AKAP8L: variants seen among roughly 807,000 people sequenced by gnomAD.
AKAP8L encodes the protein A-kinase anchor protein 8-like.
Under a neutral mutation model 77.5 loss-of-function variants are expected in AKAP8L, and 34 were observed. The observed-to-expected ratio is 0.44, with a 90% CI of 0.33 to 0.58. The LOEUF (loss-of-function observed/expected upper bound fraction) is 0.58, where lower values mean the gene tolerates loss of function less well. Among genes scored for constraint, AKAP8L ranks in the 20% least tolerant of loss-of-function variants. The pLI, the probability that AKAP8L is intolerant of heterozygous loss-of-function variation, is 0.02. For missense variants in AKAP8L, 806 were observed against 887.6 expected, an observed-to-expected ratio of 0.91 and a Z score of 1.17; for synonymous variants, 342 against 340.7, an observed-to-expected ratio of 1.00 and a Z score of -0.04.
At chr19:15,380,843 T>C in intron 12 of AKAP8L, 1 of 570,808 alleles carries the variant, frequency 1.8e-6, no homozygotes, top group Non-Finnish European at 3.1e-6. Context: ...TACAGATCTA[T>C]ATATCTCTAA....
chr19:15,380,447 G>T lies in AKAP8L; in HGVS notation c.1633-17C>A. On this transcript the variant is annotated splice_polypyrimidine_tract_variant and intron_variant, in intron 13 of 13. Coordinates refer to ENST00000397410, the MANE Select transcript of AKAP8L (RefSeq NM_014371.4). ...GTTCTCGCCCTGTGGGGAGGGGCGC[G>T]GACACTGAAGGGAGGGAGCACAGGC... is the stretch of plus-strand genomic sequence containing the variant. 1 of 1,609,936 alleles carries T rather than the reference G, an allele frequency of 6.2e-7. No individual in the cohort carries two copies. The highest frequency in any genetic ancestry group is 1.1e-5 in the South Asian group (1 of 90,478).
In AKAP8L at chr19:15,397,054, C is replaced by T; in HGVS notation, c.1536+96G>A. 6.5e-7 allele frequency: 1 copy of T among 1,542,050 alleles called. No individual in the cohort carries two copies. The highest frequency in any genetic ancestry group is 8.8e-7 in the Non-Finnish European group (1 of 1,130,036). On this transcript the variant is annotated intron_variant, in intron 12 of 13. Coordinates refer to ENST00000397410, the MANE Select transcript of AKAP8L (RefSeq NM_014371.4). The surrounding 1 kb of genome is among the most constrained non-coding windows in gnomAD (Gnocchi z 4.7). Reference sequence around the variant, plus strand: ...CACCTCCTCCTGCCTCCACTGCAGTCCCTCACGGGCTGGCAGAGGTTCCAA... The same window carrying T: ...CACCTCCTCCTGCCTCCACTGCAGTTCCTCACGGGCTGGCAGAGGTTCCAA...
At chr19:15,416,767 C>T (rs1197052317) in intron 1 of AKAP8L, among the ~76,000 whole-genome samples, 1 of 152,248 alleles carries the variant, frequency 6.6e-6, no homozygotes, top group Non-Finnish European at 1.5e-5. Flanking sequence ...CTCTTCCCCT[C>T]TCAGTGCTAG....
At position 15,418,945 on chromosome 19, in the gene AKAP8L, C is replaced by A. The variant is rs202077292; in HGVS notation, c.-22G>T. 5 of 1,603,664 alleles carry A rather than the reference C, an allele frequency of 3.1e-6. No homozygotes were observed. The East Asian group carries it at 8.9e-5, about 29-fold the overall frequency. On this transcript the variant is annotated 5_prime_UTR_variant, in exon 1 of 14. It introduces an in-frame stop codon into an upstream open reading frame of the 5' UTR. Transcript: ENST00000397410. ...TCATGGTGGCGGGCAACACAACATC[C>A]GACGACGCCGGCTTCTGCTGCTCTG...
In AKAP8L at chr19:15,399,117, G is replaced by A; in HGVS notation, c.1157+185C>T. The A allele has an allele frequency of 1.6e-6, 1 of 614,620 alleles. No individual in the cohort carries two copies. Among genetic ancestry groups the A allele is most frequent in the Middle Eastern group, 4.4e-4 (1 of 2,290 alleles). 38.1% of individuals were successfully genotyped at this position (614,620 alleles called of 1,614,324 possible). A position where few individuals can be genotyped will look rare whatever the true frequency, so the allele number is the denominator to read the frequency against. On this transcript the variant is annotated intron_variant, in intron 9 of 13. Coordinates refer to ENST00000397410, the MANE Select transcript of AKAP8L (RefSeq NM_014371.4). This position sits in a 1 kb window ranked among gnomAD's most constrained non-coding sequence, Gnocchi z 6.1. The stretch of plus-strand genomic sequence containing the variant: ...CCAGCGGTCGCCAGGCGGCCGCAGA[G>A]GGGCAGGGGATGAGTCAGGCCTTGG...
intron 2 of AKAP8L, among the ~76,000 whole-genome samples, chr19:15,408,375 G>C (rs1230308804): frequency 6.6e-6 from 1 of 151,702 alleles, no homozygotes; most frequent in East Asian, 1.9e-4. Flanking sequence ...GACCAGCCTG[G>C]CCAATGTGGT....
chr19:15,388,784 C>T (rs1056440324), intron 12 of AKAP8L, among the ~76,000 whole-genome samples: 34 of 150,890 alleles, frequency 2.3e-4, no homozygotes, highest in Admixed American at 1.9e-3. Flanking sequence ...GGCGTGGTGG[C>T]GGGCGCCTGT....
intron 1 of AKAP8L, among the ~76,000 whole-genome samples, chr19:15,414,821 CA>C (rs765592464): frequency 5.3e-5 from 8 of 152,130 alleles, no homozygotes; most frequent in Non-Finnish European, 1.0e-4. Context: ...TTATTAGAGA[CA>C]GGGGGTCTCA....
At chr19:15,410,646 G>C in intron 1 of AKAP8L, 52 bp from the exon 2 acceptor site, 2 of 1,400,276 alleles carry the variant, frequency 1.4e-6, no homozygotes, top group Non-Finnish European at 2.0e-6. Context: ...ACAGGGAAAT[G>C]ACCTGAGACT....
chr19:15,403,222 C>A lies in AKAP8L; in HGVS notation c.362+253G>T. Reference sequence around the variant, plus strand: ...TTTTTGAGGGCACAGTGAAGTCTGCCCAGTCTGGGCTTGTTCCTCTCACCG... The same window carrying A: ...TTTTTGAGGGCACAGTGAAGTCTGCACAGTCTGGGCTTGTTCCTCTCACCG... On this transcript the variant is annotated intron_variant, in intron 4 of 13. Transcript: ENST00000397410. This position sits in a 1 kb window ranked among gnomAD's most constrained non-coding sequence, Gnocchi z 4.3. 1 of 528,762 alleles carries A rather than the reference C, an allele frequency of 1.9e-6. No individual in the cohort carries two copies. Among genetic ancestry groups the A allele is most frequent in the South Asian group, 2.0e-5 (1 of 49,126 alleles). 32.8% of individuals were successfully genotyped at this position (528,762 alleles called of 1,614,324 possible).
chr19:15,380,363 AG>A lies in AKAP8L; in HGVS notation c.1699del (p.Leu567TrpfsTer?). ...KEQEEAEGGA[L>X]DEGAQGEAAG... ...CGCTTCGCCCTGCGCCCCCTCGTCC[AG>A]GGCACCGCCCTCAGCCTCCTCCTGC... On this transcript the variant is annotated frameshift_variant, in exon 14 of 14. Coordinates refer to ENST00000397410, the MANE Select transcript of AKAP8L (RefSeq NM_014371.4). LOFTEE classifies it low-confidence loss of function (END_TRUNC). 6.4e-7 allele frequency: 1 copy of A among 1,558,406 alleles called. No individual in the cohort carries two copies. The highest frequency in any genetic ancestry group is 8.7e-7 in the Non-Finnish European group (1 of 1,156,034).
chr19:15,416,462 T>C (rs1049406963), intron 1 of AKAP8L, among the ~76,000 whole-genome samples: 4 of 152,192 alleles, frequency 2.6e-5, no homozygotes, highest in African/African-American at 9.7e-5. Context: ...GAGAGATCCA[T>C]GGGGCCAAGA....
intron 1 of AKAP8L, among the ~76,000 whole-genome samples, chr19:15,412,732 TG>T (rs1221393467): frequency 1.3e-5 from 2 of 152,152 alleles, no homozygotes; most frequent in Admixed American, 6.5e-5. Context: ...TTAGTAGAGA[TG>T]GGGTTTCACC....
At position 15,401,119 on chromosome 19, in the gene AKAP8L, C is replaced by T; in HGVS notation, c.816+31G>A. 6.2e-7 allele frequency: 1 copy of T among 1,606,584 alleles called. No individual in the cohort carries two copies. Among genetic ancestry groups the T allele is most frequent in the South Asian group, 1.1e-5 (1 of 91,050 alleles). On this transcript the variant is annotated intron_variant, in intron 5 of 13. Transcript: ENST00000397410. The surrounding 1 kb of genome is among the most constrained non-coding windows in gnomAD (Gnocchi z 6.2). ...TAGCTCCGCCCCAGTGGGAACTAAG[C>T]TTCCCAGAGGGGAAGGCTGCCTCCA...
chr19:15,412,098 C>T (rs544024069), intron 1 of AKAP8L, among the ~76,000 whole-genome samples: 6 of 152,284 alleles, frequency 3.9e-5, no homozygotes, highest in African/African-American at 1.4e-4. Context: ...GTCCCAGCTG[C>T]GCAGGAGGCT....
chr19:15,389,102 T>C lies in AKAP8L; in HGVS notation c.1536+8048A>G, dbSNP rs1056791075. 2.2e-5 allele frequency among the ~76,000 whole-genome samples: 3 copies of C among 137,494 alleles called. No individual in the cohort carries two copies. The Admixed American group carries it at 2.3e-4, about 10-fold the overall frequency. The allele number at this position is 137,494 out of a possible 152,430, so 90.2% of individuals were successfully genotyped here. Reference sequence around the variant, plus strand: ...AGCCGGGCGTGGTGGTGGGCGCCTATAGTCCCCAGCTACTTGGGAGGCTGA... The same window carrying C: ...AGCCGGGCGTGGTGGTGGGCGCCTACAGTCCCCAGCTACTTGGGAGGCTGA... On this transcript the variant is annotated intron_variant, in intron 12 of 13. Coordinates refer to ENST00000397410, the MANE Select transcript of AKAP8L (RefSeq NM_014371.4).
intron 7 of AKAP8L, 80 bp downstream of exon 7, chr19:15,400,714 C>T (rs1250927941): frequency 3.3e-6 from 5 of 1,529,728 alleles, no homozygotes; most frequent in East Asian, 2.3e-5. Context: ...AGCATTGCCT[C>T]TGGCCCCCAG....
At chr19:15,415,609 G>A (rs549795407) in intron 1 of AKAP8L, among the ~76,000 whole-genome samples, 43 of 152,094 alleles carry the variant, frequency 2.8e-4, no homozygotes, top group African/African-American at 9.9e-4. Flanking sequence ...CCAGTCAGCC[G>A]GGCGCAGTGG....
intron 12 of AKAP8L, chr19:15,381,100 G>C (rs1967404698): frequency 6.4e-6 from 1 of 156,466 alleles, no homozygotes; most frequent in Non-Finnish European, 1.4e-5. Context: ...AGGGTGAAGA[G>C]AGTCTTCTCT....
Sources: allele counts gnomAD v4.1 joint callset (sites outside exome capture counted in the v4.1 genomes callset), GRCh38; gene constraint gnomAD v4.1.1; non-coding constraint Gnocchi (gnomAD v3.1); transcripts MANE v1.5; gene names NCBI Gene and HGNC (gene_info 2026-07-23, HGNC 2026-07-21).